The following CTIF variants were observed in gnomAD, a reference collection of about 807,000 sequenced individuals.
The protein encoded by CTIF is CBP80/20-dependent translation initiation factor.
Under a neutral mutation model 66.0 loss-of-function variants are expected in CTIF, and 21 were observed. The observed-to-expected ratio is 0.32, with a 90% CI of 0.23 to 0.46. The LOEUF is 0.46. CTIF is among the 20% of genes least tolerant of loss of function. The pLI, the probability that CTIF is intolerant of heterozygous loss-of-function variation, is 1.00. For missense variants in CTIF, 739 were observed against 812.7 expected, an observed-to-expected ratio of 0.91 and a Z score of 1.10; for synonymous variants, 345 against 326.4, an observed-to-expected ratio of 1.06 and a Z score of -0.62.
In CTIF at chr18:48,741,420, C is replaced by CTTT. The variant is rs11425141; in HGVS notation, c.585-16481_585-16479dup. Among the ~76,000 whole-genome samples the CTTT allele has an allele frequency of 6.2e-3, 645 of 104,784 alleles. 16 individuals carry two copies. Among genetic ancestry groups the CTTT allele is most frequent in the East Asian group, 0.012 (39 of 3,220 alleles). The allele number at this position is 104,784 out of a possible 152,430, so 68.7% of individuals were successfully genotyped here. A position where few individuals can be genotyped will look rare whatever the true frequency, so the allele number is the denominator to read the frequency against. On this transcript the variant is annotated intron_variant, in intron 7 of 11. Transcript: ENST00000256413. ...CACTCCATCAGCCAAGTGACCAGGG[C>CTTT]TTTTTTTTTTTTTTTTTTTTGAGGC...
At chr18:48,682,877 T>C (rs2091770023) in intron 6 of CTIF, 1 of 152,244 alleles carries the variant, frequency 6.6e-6, no homozygotes, top group South Asian at 2.1e-4. Context: ...GATAGAAACC[T>C]CAGCAGAGTC....
At chr18:48,598,120 C>G (rs1295835415) in intron 1 of CTIF, among the ~76,000 whole-genome samples, 1 of 152,168 alleles carries the variant, frequency 6.6e-6, no homozygotes, top group Non-Finnish European at 1.5e-5. Context: ...GGTAGATGGC[C>G]TGGGTGGGCA....
intron 6 of CTIF, among the ~76,000 whole-genome samples, chr18:48,676,231 T>A (rs2091627353): frequency 6.6e-6 from 1 of 152,226 alleles, no homozygotes; most frequent in African/African-American, 2.4e-5. Flanking sequence ...CACCTCCTTA[T>A]ATCACACAGT....
chr18:48,859,150 G>T (rs1210033729), intron 11 of CTIF, among the ~76,000 whole-genome samples, 194 bp from the exon 12 acceptor site: 1 of 152,196 alleles, frequency 6.6e-6, no homozygotes, highest in African/African-American at 2.4e-5. Context: ...AGATTGGTTG[G>T]TAAATGTGAG....
At chr18:48,586,783 C>T (rs908867588) in intron 1 of CTIF, among the ~76,000 whole-genome samples, 9 of 152,022 alleles carry the variant, frequency 5.9e-5, no homozygotes, top group African/African-American at 1.9e-4. Flanking sequence ...CCTTAGTTTC[C>T]AGTTTTCAAA....
intron 1 of CTIF, among the ~76,000 whole-genome samples, chr18:48,561,332 A>T (rs2089158479): frequency 6.6e-6 from 1 of 151,324 alleles, no homozygotes; most frequent in Admixed American, 6.6e-5. Flanking sequence ...AGCCCCTTTT[A>T]TATGCTAATT....
At chr18:48,648,488 C>CAT (rs59085443) in intron 3 of CTIF, among the ~76,000 whole-genome samples, 6 of 150,704 alleles carry the variant, frequency 4.0e-5, no homozygotes, top group Non-Finnish European at 7.4e-5. Context: ...CACACACACA[C>CAT]GCACACACAC....
chr18:48,729,999 G>C (rs2092423135), intron 7 of CTIF, among the ~76,000 whole-genome samples: 1 of 152,208 alleles, frequency 6.6e-6, no homozygotes, highest in Admixed American at 6.5e-5. Context: ...CCTCCAGGTG[G>C]AGTCTCAGGT....
chr18:48,550,536 G>A (rs1047301658), intron 1 of CTIF, among the ~76,000 whole-genome samples: 1 of 152,182 alleles, frequency 6.6e-6, no homozygotes, highest in Admixed American at 6.5e-5. Context: ...AGCCCAGGCC[G>A]TGGGGCTGAC....
At chr18:48,794,615 A>G (rs1345176986) in intron 9 of CTIF, among the ~76,000 whole-genome samples, 3 of 152,118 alleles carry the variant, frequency 2.0e-5, no homozygotes, top group Non-Finnish European at 4.4e-5. Context: ...GAAGTTTGGG[A>G]ACATTCTTCC....
intron 1 of CTIF, among the ~76,000 whole-genome samples, chr18:48,542,177 G>T (rs920892662): frequency 6.6e-6 from 1 of 152,240 alleles, no homozygotes; most frequent in Admixed American, 6.5e-5. Context: ...CTGCATTGCT[G>T]TTATTACCAC....
At chr18:48,614,163 G>A (rs1282524375) in intron 1 of CTIF, among the ~76,000 whole-genome samples, 1 of 152,108 alleles carries the variant, frequency 6.6e-6, no homozygotes, top group Non-Finnish European at 1.5e-5. Context: ...AGCTGTTTGG[G>A]GACTTCCCAT....
intron 2 of CTIF, among the ~76,000 whole-genome samples, chr18:48,624,519 G>T (rs1215450664): frequency 5.3e-5 from 8 of 152,240 alleles, no homozygotes; most frequent in Non-Finnish European, 8.8e-5. Flanking sequence ...TTAGGATGTT[G>T]TAAGTGGGGA....
chr18:48,829,371 T>A lies in CTIF; in HGVS notation c.1527+11995T>A, dbSNP rs2068644874. 2.0e-5 allele frequency among the ~76,000 whole-genome samples: 3 copies of A among 151,994 alleles called. No individual in the cohort carries two copies. In the South Asian group the frequency reaches 6.2e-4, roughly 32 times the overall value. ...TGAGTGCAGGTCTGGTTGGGAGGAC[T>A]GGTTGGGAGGGAGGGACAGTGACTT... On this transcript the variant is annotated intron_variant, in intron 10 of 11. Coordinates refer to ENST00000256413, the MANE Select transcript of CTIF (RefSeq NM_014772.3).
chr18:48,640,522 C>T (rs2052010460), intron 3 of CTIF, among the ~76,000 whole-genome samples: 1 of 152,194 alleles, frequency 6.6e-6, no homozygotes, highest in Non-Finnish European at 1.5e-5. Context: ...GATGGGAGAA[C>T]ACTGCTAACC....
At chr18:48,661,561 G>A (rs2091348217) in intron 3 of CTIF, among the ~76,000 whole-genome samples, 1 of 152,198 alleles carries the variant, frequency 6.6e-6, no homozygotes, top group African/African-American at 2.4e-5. Context: ...AGCTGACCTG[G>A]AGTTTCAGAG....
intron 1 of CTIF, among the ~76,000 whole-genome samples, chr18:48,610,485 C>A (rs1470232822): frequency 6.6e-6 from 1 of 152,124 alleles, no homozygotes; most frequent in Admixed American, 6.5e-5. Context: ...GTTGCTGTTT[C>A]AGTGTTCTTC....
At chr18:48,721,334 G>A (rs950586958) in intron 7 of CTIF, among the ~76,000 whole-genome samples, 1 of 152,216 alleles carries the variant, frequency 6.6e-6, no homozygotes, top group African/African-American at 2.4e-5. Flanking sequence ...AGGATGGGAC[G>A]TAGAATGGAC....
chr18:48,614,788 A>C (rs1406770760), intron 1 of CTIF, among the ~76,000 whole-genome samples: 3 of 152,230 alleles, frequency 2.0e-5, no homozygotes, highest in African/African-American at 7.2e-5. Flanking sequence ...CTATGAATGT[A>C]CTTAAAGCCA....
Sources: allele counts gnomAD v4.1 joint callset (sites outside exome capture counted in the v4.1 genomes callset), GRCh38; gene constraint gnomAD v4.1.1; transcripts MANE v1.5; gene names NCBI Gene and HGNC (gene_info 2026-07-23, HGNC 2026-07-21).